The following DIS3L2 variants were observed in gnomAD, a reference collection of about 807,000 sequenced individuals.
DIS3L2 encodes DIS3 like 3'-5' exoribonuclease 2, also known as DIS3-like exonuclease 2.
DIS3L2 carries 34 observed loss-of-function variants against 97.5 expected under a neutral mutation model. The ratio of observed to expected loss-of-function variants is 0.35; its 90% CI spans 0.27 to 0.46. DIS3L2 has a LOEUF of 0.46. Ranked by LOEUF, DIS3L2 falls within the 20% of genes least tolerant of loss-of-function variation. The pLI, the probability that DIS3L2 is intolerant of heterozygous loss-of-function variation, is 1.00. For synonymous variants in DIS3L2, 435 were observed against 445.2 expected, an observed-to-expected ratio of 0.98 and a Z score of 0.29; for missense variants, 1,038 against 1,146.0, an observed-to-expected ratio of 0.91 and a Z score of 1.36.
At chr2:232,088,945 C>T (rs1696751172) in intron 6 of DIS3L2, among the ~76,000 whole-genome samples, 1 of 152,080 alleles carries the variant, frequency 6.6e-6, no homozygotes, top group Admixed American at 6.5e-5. Flanking sequence ...AGATAATGAG[C>T]TTTGTTATCA....
At position 232,137,060 on chromosome 2, in the gene DIS3L2, A is replaced by T. The variant is rs182324760; in HGVS notation, c.950+341A>T. The stretch of plus-strand genomic sequence containing the variant: ...CAAACAACCAGTCCTCTCCTTGCAG[A>T]TGCTAGTGTTAAACCATGCAAAGTC... On this transcript the variant is annotated intron_variant, in intron 8 of 20. Transcript: ENST00000325385. 5.2e-4 allele frequency among the ~76,000 whole-genome samples: 79 copies of T among 152,314 alleles called. 1 individual carries two copies. Among genetic ancestry groups the T allele is most frequent in the African/African-American group, 1.8e-3 (74 of 41,572 alleles).
chr2:232,325,406 A>G lies in DIS3L2; in HGVS notation c.1740-4407A>G, dbSNP rs1377157260. ...GTCACCCTTGCTGTGGGGAGTGTGT[A>G]CCGTGTGCGGGGGGCTGGTGGCCTT... On this transcript the variant is annotated intron_variant, in intron 14 of 20. Coordinates refer to ENST00000325385, the MANE Select transcript of DIS3L2 (RefSeq NM_152383.5). This position sits in a 1 kb window ranked among gnomAD's most constrained non-coding sequence, Gnocchi z 4.6. Among the ~76,000 whole-genome samples, 1 of 152,116 alleles carries G rather than the reference A, an allele frequency of 6.6e-6. No individual in the cohort carries two copies. Among genetic ancestry groups the G allele is most frequent in the Non-Finnish European group, 1.5e-5 (1 of 68,018 alleles).
rs1041726969 is a variant in DIS3L2, at chr2:232,037,308, G to C, written c.366+7228G>C. ...TGCTGTGGTGGGCTCCGCCCAGCTT[G>C]AACTTCCTGGTGGCTTTGTTTACAC... On this transcript the variant is annotated intron_variant, in intron 5 of 20. Coordinates refer to ENST00000325385, the MANE Select transcript of DIS3L2 (RefSeq NM_152383.5). This position sits in a 1 kb window ranked among gnomAD's most constrained non-coding sequence, Gnocchi z 4.6. Among the ~76,000 whole-genome samples the C allele has an allele frequency of 2.6e-5, 4 of 152,194 alleles. No individual in the cohort carries two copies. Among genetic ancestry groups the C allele is most frequent in the African/African-American group, 9.6e-5 (4 of 41,456 alleles).
intron 8 of DIS3L2, among the ~76,000 whole-genome samples, chr2:232,160,655 T>G (rs1037919861): frequency 2.0e-5 from 3 of 151,990 alleles, no homozygotes; most frequent in African/African-American, 7.2e-5. Flanking sequence ...GTGGGCAGAT[T>G]GCTTGAGCTC....
At chr2:232,144,309 T>C (rs1343190647) in intron 8 of DIS3L2, among the ~76,000 whole-genome samples, 2 of 152,152 alleles carry the variant, frequency 1.3e-5, no homozygotes, top group East Asian at 1.9e-4. Context: ...CACATTCTTA[T>C]TTACACTTGT....
At chr2:231,964,229 A>G (rs1037096999) in intron 1 of DIS3L2, among the ~76,000 whole-genome samples, 1 of 151,986 alleles carries the variant, frequency 6.6e-6, no homozygotes, top group Non-Finnish European at 1.5e-5. Flanking sequence ...CCATTGTTCT[A>G]TAGGTGTGAG....
intron 14 of DIS3L2, among the ~76,000 whole-genome samples, chr2:232,300,738 C>T (rs972500960): frequency 2.7e-5 from 4 of 150,456 alleles, no homozygotes; most frequent in African/African-American, 9.8e-5. Context: ...CACTGCAGCC[C>T]AAAACTCCCG....
intron 14 of DIS3L2, among the ~76,000 whole-genome samples, chr2:232,322,231 A>G (rs1323820519): frequency 2.0e-5 from 3 of 152,222 alleles, no homozygotes; most frequent in South Asian, 2.1e-4. Flanking sequence ...AGGACAAAGC[A>G]TGGATGGGGT....
At chr2:232,160,669 A>C (rs940297039) in intron 8 of DIS3L2, among the ~76,000 whole-genome samples, 3 of 152,036 alleles carry the variant, frequency 2.0e-5, no homozygotes, top group Non-Finnish European at 2.9e-5. Flanking sequence ...TGAGCTCAGG[A>C]GTTCGAGTCC....
intron 1 of DIS3L2, among the ~76,000 whole-genome samples, chr2:232,010,959 T>C (rs1164870067): frequency 6.6e-6 from 1 of 152,208 alleles, no homozygotes; most frequent in Non-Finnish European, 1.5e-5. Flanking sequence ...TTGTGCTAGG[T>C]TTTGGGGAAT....
chr2:232,107,858 C>T (rs1264609052), intron 6 of DIS3L2, among the ~76,000 whole-genome samples: 1 of 152,200 alleles, frequency 6.6e-6, no homozygotes, highest in African/African-American at 2.4e-5. Flanking sequence ...CAGGAAGACA[C>T]TGACTCCCTG....
intron 14 of DIS3L2, 28 bp from the exon 15 acceptor site, chr2:232,329,785 T>TGCCGGGGGGCCGCC: frequency 1.0e-6 from 1 of 967,144 alleles, no homozygotes; most frequent in Non-Finnish European, 1.5e-6. Flanking sequence ...ACCCCAGCGG[T>TGCCGGGGGGCCGCC]CCCTCCCATC....
At chr2:232,183,072 A>T (rs1018327178) in intron 9 of DIS3L2, among the ~76,000 whole-genome samples, 1 of 152,186 alleles carries the variant, frequency 6.6e-6, no homozygotes, top group Non-Finnish European at 1.5e-5. Context: ...TAGTGCCCTT[A>T]TAAAAAGAAG....
At chr2:232,318,854 G>A (rs1206818874) in intron 14 of DIS3L2, among the ~76,000 whole-genome samples, 5 of 152,182 alleles carry the variant, frequency 3.3e-5, no homozygotes, top group Non-Finnish European at 5.9e-5. Flanking sequence ...GGAATGAGGA[G>A]GAATCCCTAA....
intron 10 of DIS3L2, 42 bp from the exon 11 acceptor site, chr2:232,238,491 G>A (rs1187474282): frequency 6.5e-7 from 1 of 1,546,900 alleles, no homozygotes; most frequent in African/African-American, 1.4e-5. Flanking sequence ...GAATGCTGTG[G>A]CCTTCCACGC....
At chr2:232,189,918 A>G (rs938421023) in intron 9 of DIS3L2, among the ~76,000 whole-genome samples, 2 of 152,356 alleles carry the variant, frequency 1.3e-5, no homozygotes, top group South Asian at 2.1e-4. Context: ...AAAAGGAACC[A>G]GATTAATAAA....
intron 6 of DIS3L2, among the ~76,000 whole-genome samples, chr2:232,120,767 C>T (rs971388838): frequency 6.6e-6 from 1 of 152,160 alleles, no homozygotes. Context: ...CTTACAGCCA[C>T]TAGATTTACA....
At chr2:232,138,826 C>T (rs1698430750) in intron 8 of DIS3L2, among the ~76,000 whole-genome samples, 2 of 152,108 alleles carry the variant, frequency 1.3e-5, no homozygotes. Context: ...GTTCCCAACT[C>T]CTATACCTCT....
chr2:232,183,030 TAAGTC>T (rs929782245), intron 9 of DIS3L2, among the ~76,000 whole-genome samples: 8 of 152,186 alleles, frequency 5.3e-5, no homozygotes, highest in Non-Finnish European at 1.0e-4. Context: ...GGAAGGCAGT[TAAGTC>T]AAGGGTAGAG....
Sources: allele counts gnomAD v4.1 joint callset (sites outside exome capture counted in the v4.1 genomes callset), GRCh38; gene constraint gnomAD v4.1.1; non-coding constraint Gnocchi (gnomAD v3.1); transcripts MANE v1.5; gene names NCBI Gene and HGNC (gene_info 2026-07-23, HGNC 2026-07-21).